SUCLG2: variants seen among roughly 807,000 people sequenced by gnomAD.
The protein encoded by SUCLG2 is succinate-CoA ligase GDP-forming subunit beta.
In SUCLG2, 42 loss-of-function variants were observed where a neutral mutation model predicts 47.9. The observed-to-expected ratio is 0.88, with a 90% confidence interval of 0.69 to 1.14. The LOEUF (loss-of-function observed/expected upper bound fraction) is 1.14, where lower values mean the gene tolerates loss of function less well. Ranked by LOEUF, SUCLG2 falls within the 50% of genes most tolerant of loss-of-function variation. The pLI, the probability that SUCLG2 is intolerant of heterozygous loss-of-function variation, is 0.00. For synonymous variants in SUCLG2, 195 were observed against 197.3 expected (o/e 0.99, Z 0.10); for missense variants, 571 against 525.9 (o/e 1.09, Z -0.84).
At chr3:67,595,249 T>C (rs1401215486) in intron 2 of SUCLG2, among the ~76,000 whole-genome samples, 15 of 152,170 alleles carry the variant, frequency 9.9e-5, no homozygotes, top group Non-Finnish European at 2.2e-4. Context: ...CAGTGAATCG[T>C]GAAAGTAGGT....
rs1368130790 is a variant in SUCLG2 at position 67,580,360 on chromosome 3, A to G, written c.226+29095T>C. 2.0e-5 allele frequency among the ~76,000 whole-genome samples: 3 copies of G among 152,218 alleles called. 1 individual carries two copies. The South Asian group carries it at 6.2e-4, about 32-fold the overall frequency. ...TGGAAGGTCACACCACAAACTGACA[A>G]AAGTGATTACATCTGGGTGGGAAAA... On this transcript the variant is annotated intron_variant, in intron 2 of 10. Transcript: ENST00000307227.
chr3:67,649,804 G>C (rs1416379366), intron 1 of SUCLG2, among the ~76,000 whole-genome samples: 3 of 152,198 alleles, frequency 2.0e-5, no homozygotes, highest in Non-Finnish European at 2.9e-5. Context: ...GACAATTGCA[G>C]ATTGAGTGGT....
chr3:67,369,696 G>A (rs1225744176), intron 10 of SUCLG2, among the ~76,000 whole-genome samples: 2 of 152,204 alleles, frequency 1.3e-5, no homozygotes, highest in Admixed American at 6.5e-5. Context: ...GGCGTATGCC[G>A]TTGCCATTTA....
At chr3:67,642,916 C>CTGTGTGTG (rs1491202290) in intron 1 of SUCLG2, among the ~76,000 whole-genome samples, 1,790 of 120,120 alleles carry the variant, frequency 0.015, 39 homozygotes, top group African/African-American at 0.046. Context: ...CAGAAAAGGA[C>CTGTGTGTG]TCTGTGTGTG....
chr3:67,449,395 T>G (rs369456786), intron 9 of SUCLG2, among the ~76,000 whole-genome samples: 23 of 152,278 alleles, frequency 1.5e-4, no homozygotes, highest in African/African-American at 4.8e-4. Flanking sequence ...CTAGAGGAAC[T>G]ATAAAAGCCC....
chr3:67,612,030 TA>T, intron 1 of SUCLG2, among the ~76,000 whole-genome samples: 1 of 152,340 alleles, frequency 6.6e-6, no homozygotes, highest in African/African-American at 2.4e-5. Flanking sequence ...TGACTGGCTC[TA>T]AAACTTCAAG....
chr3:67,537,827 A>C (rs1047346757), intron 2 of SUCLG2, among the ~76,000 whole-genome samples: 1 of 152,188 alleles, frequency 6.6e-6, no homozygotes, highest in African/African-American at 2.4e-5. Context: ...ACCAGTGATG[A>C]TAAGCTTTTT....
Position 67,596,078 on chromosome 3 carries a change from A to G in SUCLG2, c.226+13377T>C, listed in dbSNP as rs538093568. Among the ~76,000 whole-genome samples, 9 of 152,300 alleles carry G rather than the reference A, an allele frequency of 5.9e-5. No homozygotes were observed. In the East Asian group the frequency reaches 1.7e-3, roughly 29 times the overall value. On this transcript the variant is annotated intron_variant, in intron 2 of 10. Coordinates refer to ENST00000307227, the MANE Select transcript of SUCLG2 (RefSeq NM_003848.4). ...CACAGGCTTGGTTGATGAACATCCA[A>G]CCTCCTTAGTTTGATGAACTCTGGG...
intron 1 of SUCLG2, among the ~76,000 whole-genome samples, chr3:67,619,281 A>T (rs569680370): frequency 2.6e-5 from 4 of 152,368 alleles, no homozygotes; most frequent in African/African-American, 9.6e-5. Flanking sequence ...CTCCAATTAA[A>T]GGAAGATACC....
chr3:67,386,944 T>C (rs565124927), intron 10 of SUCLG2, among the ~76,000 whole-genome samples: 2 of 152,284 alleles, frequency 1.3e-5, no homozygotes, highest in Admixed American at 6.5e-5. Flanking sequence ...TCCCAAACAG[T>C]TGTAGCCTGT....
chr3:67,415,552 C>A (rs1703021258), intron 9 of SUCLG2, among the ~76,000 whole-genome samples: 3 of 152,216 alleles, frequency 2.0e-5, no homozygotes, highest in Admixed American at 2.0e-4. Flanking sequence ...TAATCCTAAA[C>A]CCTCATGTGA....
At chr3:67,474,295 C>T (rs1037068601) in intron 9 of SUCLG2, among the ~76,000 whole-genome samples, 1 of 151,930 alleles carries the variant, frequency 6.6e-6, no homozygotes, top group African/African-American at 2.4e-5. Context: ...AAAGAATACA[C>T]TAACAGACTA....
chr3:67,612,791 G>A (rs1184517384), intron 1 of SUCLG2, among the ~76,000 whole-genome samples: 3 of 152,198 alleles, frequency 2.0e-5, no homozygotes, highest in Non-Finnish European at 2.9e-5. Context: ...CACTTGAGAT[G>A]CCAGGCACAA....
At chr3:67,419,974 G>A (rs544433904) in intron 9 of SUCLG2, among the ~76,000 whole-genome samples, 33 of 152,250 alleles carry the variant, frequency 2.2e-4, no homozygotes, top group Admixed American at 1.3e-3. Flanking sequence ...AGGCAGGGAT[G>A]GTTTGATTGC....
intron 9 of SUCLG2, among the ~76,000 whole-genome samples, chr3:67,455,417 T>A (rs1461481856): frequency 6.6e-6 from 1 of 152,158 alleles, no homozygotes; most frequent in East Asian, 1.9e-4. Context: ...CATGTTTGCC[T>A]AACCAACTCA....
Position 67,404,184 on chromosome 3 carries a change from TCTTC to T in SUCLG2, c.1063-3337_1063-3334del, listed in dbSNP as rs374147090. Among the ~76,000 whole-genome samples, 167 of 152,280 alleles carry T rather than the reference TCTTC, an allele frequency of 1.1e-3. 1 individual carries two copies. Among genetic ancestry groups the T allele is most frequent in the African/African-American group, 3.8e-3 (159 of 41,564 alleles). The stretch of plus-strand genomic sequence containing the variant: ...CAGGTGTGAGCCACCGTGCCTGGCC[TCTTC>T]CTTCTTCAGAACTGGGTAGACGCAA... On this transcript the variant is annotated intron_variant, in intron 9 of 10. Transcript: ENST00000307227.
At chr3:67,570,238 C>G (rs1463866612) in intron 2 of SUCLG2, among the ~76,000 whole-genome samples, 1 of 152,212 alleles carries the variant, frequency 6.6e-6, no homozygotes, top group African/African-American at 2.4e-5. Flanking sequence ...GTTATTTAAA[C>G]CACCCAGTGG....
At chr3:67,484,817 C>T (rs1047947101) in intron 9 of SUCLG2, among the ~76,000 whole-genome samples, 2 of 152,092 alleles carry the variant, frequency 1.3e-5, no homozygotes, top group Non-Finnish European at 2.9e-5. Flanking sequence ...TAAAAAGACG[C>T]TTAATTTAGA....
chr3:67,422,186 C>G (rs1372234581), intron 9 of SUCLG2, among the ~76,000 whole-genome samples: 1 of 151,922 alleles, frequency 6.6e-6, no homozygotes, highest in East Asian at 1.9e-4. Flanking sequence ...AAAAAAAGAA[C>G]ATTCAGGCTG....
Sources: allele counts gnomAD v4.1 joint callset (sites outside exome capture counted in the v4.1 genomes callset), GRCh38; gene constraint gnomAD v4.1.1; transcripts MANE v1.5; gene names NCBI Gene and HGNC (gene_info 2026-07-23, HGNC 2026-07-21).